NDUFS4: variants seen among roughly 807,000 people sequenced by gnomAD.
NDUFS4 encodes NADH:ubiquinone oxidoreductase subunit S4.
NDUFS4 carries 28 observed loss-of-function variants against 24.3 expected under a neutral mutation model. The ratio of observed to expected loss-of-function variants is 1.15; its 90% confidence interval spans 0.85 to 1.58. The LOEUF (loss-of-function observed/expected upper bound fraction) is 1.58, where lower values mean the gene tolerates loss of function less well. NDUFS4 is among the 40% of genes most tolerant of loss of function. The probability of loss-of-function intolerance (pLI) is 0.00; values close to 1 mark genes in which losing one functional copy is unlikely to be tolerated. For missense variants in NDUFS4, 223 were observed against 207.9 expected (o/e 1.07, Z -0.45); for synonymous variants, 93 against 69.7 (o/e 1.34, Z -1.67).
chr5:53,673,634 A>G (rs1207677302), intron 4 of NDUFS4, among the ~76,000 whole-genome samples: 1 of 152,164 alleles, frequency 6.6e-6, no homozygotes, highest in Non-Finnish European at 1.5e-5. Context: ...TTGAGGACAT[A>G]ACTATTCTTT....
At chr5:53,619,012 G>T (rs1750942073) in intron 2 of NDUFS4, among the ~76,000 whole-genome samples, 1 of 151,914 alleles carries the variant, frequency 6.6e-6, no homozygotes, top group African/African-American at 2.4e-5. Context: ...TACTCAGGCG[G>T]CTGAGACATG....
chr5:53,597,258 T>C (rs541618273), intron 1 of NDUFS4, among the ~76,000 whole-genome samples: 1 of 152,256 alleles, frequency 6.6e-6, no homozygotes, highest in African/African-American at 2.4e-5. Flanking sequence ...TAAGAAACAA[T>C]ATTCTAAGAG....
At chr5:53,572,422 T>A (rs1306435019) in intron 1 of NDUFS4, among the ~76,000 whole-genome samples, 1 of 152,202 alleles carries the variant, frequency 6.6e-6, no homozygotes, top group Non-Finnish European at 1.5e-5. Context: ...CATTTTGGGG[T>A]AGCATGTCCT....
At chr5:53,682,328 A>G (rs937873951) in intron 4 of NDUFS4, among the ~76,000 whole-genome samples, 2 of 152,104 alleles carry the variant, frequency 1.3e-5, no homozygotes, top group East Asian at 3.9e-4. Flanking sequence ...GAAGGAAAAT[A>G]TAAATACTCA....
intron 3 of NDUFS4, among the ~76,000 whole-genome samples, chr5:53,657,981 G>A (rs1002618752): frequency 6.0e-5 from 9 of 150,998 alleles, no homozygotes; most frequent in Non-Finnish European, 1.2e-4. Context: ...ATTTCCTAAA[G>A]AGCCTATGTA....
rs1430553155 is a variant in NDUFS4, at chr5:53,564,086, A to G, written c.98+3326A>G. On this transcript the variant is annotated intron_variant, in intron 1 of 4. Transcript: ENST00000296684. ...TTTAATTAATGACTGGTGGGGACTG[A>G]GTGTTTGGGACCTGTTTGTGAGGTC... Among the ~76,000 whole-genome samples, 2 of 152,034 alleles carry G rather than the reference A, an allele frequency of 1.3e-5. 1 individual carries two copies. Among genetic ancestry groups the G allele is most frequent in the African/African-American group, 4.8e-5 (2 of 41,386 alleles).
intron 2 of NDUFS4, among the ~76,000 whole-genome samples, chr5:53,630,438 T>G (rs930359796): frequency 6.6e-5 from 10 of 152,180 alleles, no homozygotes; most frequent in African/African-American, 2.4e-4. Context: ...CTTGCTAGGT[T>G]GGGGAAGTTC....
At chr5:53,627,823 G>T (rs1751277903) in intron 2 of NDUFS4, among the ~76,000 whole-genome samples, 2 of 152,158 alleles carry the variant, frequency 1.3e-5, no homozygotes, top group African/African-American at 4.8e-5. Flanking sequence ...AATGTCATCT[G>T]CAAGCAGAGA....
chr5:53,656,358 A>G (rs1389057358), intron 3 of NDUFS4, among the ~76,000 whole-genome samples: 1 of 152,138 alleles, frequency 6.6e-6, no homozygotes, highest in Non-Finnish European at 1.5e-5. Context: ...ATGAGCAAAT[A>G]AAGTCTAAAA....
In NDUFS4 at chr5:53,641,133, G is replaced by A. The variant is rs150890184; in HGVS notation, c.178-5100G>A. Among the ~76,000 whole-genome samples the A allele has an allele frequency of 1.3e-3, 193 of 152,190 alleles. 1 individual carries two copies. Among genetic ancestry groups the A allele is most frequent in the African/African-American group, 4.1e-3 (170 of 41,530 alleles). Reference sequence around the variant, plus strand: ...AATGAGAAACATTCTTTTTGTTGCCGAAGGTAACCACTTCACATATGTTAT... The same window carrying A: ...AATGAGAAACATTCTTTTTGTTGCCAAAGGTAACCACTTCACATATGTTAT... On this transcript the variant is annotated intron_variant, in intron 2 of 4. Coordinates refer to ENST00000296684, the MANE Select transcript of NDUFS4 (RefSeq NM_002495.4).
rs1197175795 is a variant in NDUFS4 at position 53,662,985 on chromosome 5, T to C, written c.424+4361T>C. ...GTGCTATAAATTTCCCTCTACACACTGCTTTGAATGTGTCCCAGAGATTCT... is the reference window on the plus strand; with the variant it reads ...GTGCTATAAATTTCCCTCTACACACCGCTTTGAATGTGTCCCAGAGATTCT... On this transcript the variant is annotated intron_variant, in intron 4 of 4. Transcript: ENST00000296684. Among the ~76,000 whole-genome samples, 4 of 152,250 alleles carry C rather than the reference T, an allele frequency of 2.6e-5. No individual in the cohort carries two copies. In the East Asian group the frequency reaches 7.7e-4, roughly 29 times the overall value.
At chr5:53,680,119 G>C (rs990706675) in intron 4 of NDUFS4, among the ~76,000 whole-genome samples, 3 of 151,934 alleles carry the variant, frequency 2.0e-5, no homozygotes, top group Non-Finnish European at 1.5e-5. Flanking sequence ...TTAAAATCCT[G>C]GTTTTGCAAC....
chr5:53,620,252 C>G (rs1750991543), intron 2 of NDUFS4, among the ~76,000 whole-genome samples: 2 of 151,914 alleles, frequency 1.3e-5, no homozygotes, highest in African/African-American at 4.8e-5. Context: ...TATACATGGC[C>G]TAGTTCTGTG....
At chr5:53,619,306 TAAAAA>T (rs113660312) in intron 2 of NDUFS4, among the ~76,000 whole-genome samples, 1 of 72,354 alleles carries the variant, frequency 1.4e-5, no homozygotes, top group African/African-American at 5.5e-5. Context: ...GCTAAAAATT[TAAAAA>T]AAAAAAAAAA....
intron 1 of NDUFS4, among the ~76,000 whole-genome samples, chr5:53,586,088 G>A (rs981151975): frequency 6.6e-6 from 1 of 151,686 alleles, no homozygotes; most frequent in Non-Finnish European, 1.5e-5. Flanking sequence ...CAGCACTTTC[G>A]GAGGCCGAGG....
chr5:53,678,947 A>T (rs1311580194), intron 4 of NDUFS4, among the ~76,000 whole-genome samples: 2 of 152,264 alleles, frequency 1.3e-5, no homozygotes, highest in Non-Finnish European at 2.9e-5. Context: ...AAATTTGTTC[A>T]TCCAGGTACT....
intron 1 of NDUFS4, among the ~76,000 whole-genome samples, chr5:53,566,847 G>C (rs1368748274): frequency 7.2e-6 from 1 of 139,118 alleles, no homozygotes; most frequent in Non-Finnish European, 1.5e-5. Context: ...CCACCGCCAA[G>C]TATTTTTTTT....
At chr5:53,614,464 C>G (rs1750787882) in intron 2 of NDUFS4, among the ~76,000 whole-genome samples, 1 of 151,914 alleles carries the variant, frequency 6.6e-6, no homozygotes, top group Admixed American at 6.6e-5. Flanking sequence ...TCAGCCATCT[C>G]TATTATCTGT....
intron 1 of NDUFS4, among the ~76,000 whole-genome samples, chr5:53,566,701 T>C (rs1409275625): frequency 6.6e-6 from 1 of 152,164 alleles, no homozygotes; most frequent in African/African-American, 2.4e-5. Context: ...CTATATACTT[T>C]AAATCATCTC....
Sources: gnomAD v4.1 joint callset for allele counts (sites outside exome capture counted in the v4.1 genomes callset) on GRCh38, gnomAD v4.1.1 for gene constraint, MANE v1.5 for transcripts, NCBI Gene and HGNC (gene_info 2026-07-23, HGNC 2026-07-21) for gene names.